TMEM62: variants seen among roughly 807,000 people sequenced by gnomAD.
TMEM62 encodes transmembrane protein 62.
A neutral mutation model predicts 70.4 loss-of-function variants in TMEM62; 41 were observed. The ratio of observed to expected loss-of-function variants is 0.58; its 90% CI spans 0.45 to 0.76. The LOEUF (loss-of-function observed/expected upper bound fraction) is 0.76. TMEM62 is among the 30% of genes least tolerant of loss of function. The pLI, the probability that TMEM62 is intolerant of heterozygous loss-of-function variation, is 0.00. For missense variants in TMEM62, 688 were observed against 788.5 expected, an observed-to-expected ratio of 0.87 and a Z score of 1.53; for synonymous variants, 268 against 291.0, an observed-to-expected ratio of 0.92 and a Z score of 0.80.
chr15:43,144,068 C>G (rs2036382645), intron 4 of TMEM62, among the ~76,000 whole-genome samples: 1 of 152,162 alleles, frequency 6.6e-6, no homozygotes, highest in Non-Finnish European at 1.5e-5. Context: ...ACATGATAAT[C>G]ACTATGAGAA....
chr15:43,163,140 T>C (rs769012706), intron 10 of TMEM62, among the ~76,000 whole-genome samples: 13 of 151,898 alleles, frequency 8.6e-5, no homozygotes, highest in Non-Finnish European at 1.3e-4. Context: ...TAATTTATAC[T>C]GTAGTTCCCT....
chr15:43,138,637 A>T lies in TMEM62; in HGVS notation c.476+18A>T. Reference sequence around the variant, plus strand: ...TATTACAGGTACTGTAATAAACAGAAGACAGACCACTATGTAGAGTCAGTG... The same window carrying T: ...TATTACAGGTACTGTAATAAACAGATGACAGACCACTATGTAGAGTCAGTG... On this transcript the variant is annotated intron_variant, in intron 4 of 13. Transcript: ENST00000260403. 1 of 1,579,274 alleles carries T rather than the reference A, an allele frequency of 6.3e-7. No individual in the cohort carries two copies.
At position 43,146,606 on chromosome 15, in the gene TMEM62, C is replaced by A; in HGVS notation, c.590C>A (p.Pro197His). 2 of 1,605,724 alleles carry A rather than the reference C, an allele frequency of 1.2e-6. No individual in the cohort carries two copies. Among genetic ancestry groups the A allele is most frequent in the Non-Finnish European group, 8.5e-7 (1 of 1,177,728 alleles). Residue 197 changes from proline to histidine, a missense_variant, in exon 5 of 14, where the codon CCC becomes CAC. Pro to His is a moderately conservative substitution (Grantham distance 77). Transcript: ENST00000260403. The part of the protein sequence containing the change: ...DATVNPGPKR[P>H]YNFFGILDKK... ...ACTGTAAATCCAGGGCCTAAGAGAC[C>A]CTATAATTTCTTTGGAATTTTAGAT...
chr15:43,135,699 T>C (rs1163193137), intron 3 of TMEM62, 50 bp downstream of exon 3: 35 of 1,518,884 alleles, frequency 2.3e-5, no homozygotes, highest in Non-Finnish European at 3.0e-5. Flanking sequence ...TTTTCCCCCT[T>C]CAGGAACCTA....
At chr15:43,178,285 G>A (rs1411317860) in intron 11 of TMEM62, among the ~76,000 whole-genome samples, 1 of 151,642 alleles carries the variant, frequency 6.6e-6, no homozygotes, top group Non-Finnish European at 1.5e-5. Flanking sequence ...ATATATATAT[G>A]TATATGTACA....
intron 4 of TMEM62, 179 bp from the exon 5 acceptor site, chr15:43,146,314 C>G (rs2036650764): frequency 3.7e-6 from 2 of 545,870 alleles, no homozygotes; most frequent in Non-Finnish European, 6.3e-6. Flanking sequence ...TCTTTGGGGA[C>G]AATGGGAGAA....
At chr15:43,135,893 T>C (rs2035165555) in intron 3 of TMEM62, 1 of 326,098 alleles carries the variant, frequency 3.1e-6, no homozygotes, top group South Asian at 5.6e-5. Context: ...ATTATTATTA[T>C]TATACTTTAA....
intron 2 of TMEM62, 121 bp from the exon 3 acceptor site, chr15:43,135,391 T>C: frequency 1.0e-6 from 1 of 967,926 alleles, no homozygotes; most frequent in Non-Finnish European, 1.4e-6. Flanking sequence ...TCGTGAGCAG[T>C]TATGCTTATA....
intron 4 of TMEM62, 25 bp from the exon 5 acceptor site, chr15:43,146,468 C>A (rs372082510): frequency 8.7e-5 from 138 of 1,593,544 alleles, no homozygotes; most frequent in Admixed American, 2.3e-4. Flanking sequence ...ATTACACTAA[C>A]ACCCTCCTGT....
chr15:43,146,706 TA>T, intron 5 of TMEM62, 72 bp downstream of exon 5: 1 of 1,312,994 alleles, frequency 7.6e-7, no homozygotes, highest in Non-Finnish European at 1.0e-6. Flanking sequence ...CACTTAAAGT[TA>T]TCAAAAGTAA....
At chr15:43,158,589 G>A (rs1222733220) in intron 9 of TMEM62, among the ~76,000 whole-genome samples, 3 of 152,140 alleles carry the variant, frequency 2.0e-5, no homozygotes, top group African/African-American at 7.2e-5. Context: ...AGCCATTGAT[G>A]ATACTTACCT....
chr15:43,169,572 T>G, intron 10 of TMEM62, 21 bp from the exon 11 acceptor site: 1 of 1,605,400 alleles, frequency 6.2e-7, no homozygotes, highest in Middle Eastern at 1.7e-4. Flanking sequence ...CTATTTCACG[T>G]TAACATCTAT....
chr15:43,177,008 G>A (rs1455025397), intron 11 of TMEM62, among the ~76,000 whole-genome samples: 1 of 152,108 alleles, frequency 6.6e-6, no homozygotes, highest in Non-Finnish European at 1.5e-5. Flanking sequence ...TGATGGAGCT[G>A]AAAGCCAAGG....
intron 9 of TMEM62, among the ~76,000 whole-genome samples, chr15:43,155,222 C>G (rs1265780404): frequency 6.6e-6 from 1 of 152,060 alleles, no homozygotes; most frequent in Non-Finnish European, 1.5e-5. Context: ...AGAGCCAGAC[C>G]CTGTCTCAAA....
intron 4 of TMEM62, among the ~76,000 whole-genome samples, chr15:43,139,877 G>A (rs1273580165): frequency 6.6e-6 from 1 of 152,222 alleles, no homozygotes; most frequent in Non-Finnish European, 1.5e-5. Flanking sequence ...GATTGATGGA[G>A]AAGCTGCAGC....
At chr15:43,154,237 TCTGG>T (rs753757239) in intron 8 of TMEM62, among the ~76,000 whole-genome samples, 255 of 152,294 alleles carry the variant, frequency 1.7e-3, no homozygotes, top group Non-Finnish European at 2.0e-3. Flanking sequence ...GTAGCCTAGT[TCTGG>T]TTATAACCCT....
At chr15:43,165,301 GCTCA>G (rs1396849095) in intron 10 of TMEM62, among the ~76,000 whole-genome samples, 2 of 150,870 alleles carry the variant, frequency 1.3e-5, no homozygotes, top group East Asian at 1.9e-4. Flanking sequence ...TGGTCTTTAA[GCTCA>G]CTAATTCTTT....
At chr15:43,181,832 A>G (rs2041359439) in intron 13 of TMEM62, among the ~76,000 whole-genome samples, 1 of 152,240 alleles carries the variant, frequency 6.6e-6, no homozygotes, top group Non-Finnish European at 1.5e-5. Flanking sequence ...AAGTGTTTAT[A>G]AGAGGTGAAA....
At chr15:43,168,913 G>T in intron 10 of TMEM62, 1 of 152,476 alleles carries the variant, frequency 6.6e-6, no homozygotes. Flanking sequence ...GCAGAGGATT[G>T]CCCTCTGGCA....
Sources: allele counts gnomAD v4.1 joint callset (sites outside exome capture counted in the v4.1 genomes callset), GRCh38; gene constraint gnomAD v4.1.1; transcripts MANE v1.5; gene names NCBI Gene and HGNC (gene_info 2026-07-23, HGNC 2026-07-21).